The following CLMN variants were observed in gnomAD, a reference collection of about 807,000 sequenced individuals.
CLMN encodes the protein calmin.
In CLMN, 57 loss-of-function variants were observed where a neutral mutation model predicts 92.7. The ratio of observed to expected loss-of-function variants is 0.61; its 90% CI spans 0.50 to 0.77. The LOEUF is 0.77. CLMN is among the 30% of genes least tolerant of loss of function. The pLI is 0.00. For missense variants in CLMN, 1,158 were observed against 1,237.5 expected (o/e 0.94, Z 0.96); for synonymous variants, 466 against 470.6 (o/e 0.99, Z 0.13).
intron 1 of CLMN, among the ~76,000 whole-genome samples, chr14:95,274,425 T>C (rs1040405904): frequency 2.6e-5 from 4 of 152,130 alleles, no homozygotes; most frequent in African/African-American, 9.7e-5. Flanking sequence ...GGCTGTGTCG[T>C]GTGTCAGCTG....
At chr14:95,280,508 TTTGAG>T (rs1177945695) in intron 1 of CLMN, among the ~76,000 whole-genome samples, 3 of 152,224 alleles carry the variant, frequency 2.0e-5, no homozygotes, top group African/African-American at 7.2e-5. Flanking sequence ...GTTTAAAATC[TTTGAG>T]TTATTTGGCT....
chr14:95,254,560 C>T (rs551132013), intron 1 of CLMN, among the ~76,000 whole-genome samples: 10 of 152,268 alleles, frequency 6.6e-5, no homozygotes, highest in South Asian at 6.2e-4. Context: ...TCCCTGCGTG[C>T]GTTATGAGGC....
At chr14:95,226,840 A>G (rs1234257317) in intron 2 of CLMN, among the ~76,000 whole-genome samples, 1 of 152,132 alleles carries the variant, frequency 6.6e-6, no homozygotes, top group East Asian at 1.9e-4. Flanking sequence ...TGGCCTCCCA[A>G]AGGGCTGGGA....
chr14:95,299,637 C>A (rs1299291150), intron 1 of CLMN, among the ~76,000 whole-genome samples: 1 of 152,074 alleles, frequency 6.6e-6, no homozygotes, highest in East Asian at 1.9e-4. Context: ...TGGAAGAGAC[C>A]CTGCTACAAA....
intron 1 of CLMN, among the ~76,000 whole-genome samples, chr14:95,248,256 C>T (rs966259789): frequency 1.3e-5 from 2 of 151,998 alleles, no homozygotes; most frequent in African/African-American, 4.8e-5. Flanking sequence ...AGTTTGAAAA[C>T]ATAACTAAAA....
At chr14:95,193,289 G>A (rs780631843) in intron 12 of CLMN, 4 of 1,444,178 alleles carry the variant, frequency 2.8e-6, no homozygotes, top group African/African-American at 1.4e-5. Context: ...CATTAGGCCA[G>A]GCCAACAGTT....
At chr14:95,208,163 A>C (rs1897096930) in intron 8 of CLMN, among the ~76,000 whole-genome samples, 1 of 152,052 alleles carries the variant, frequency 6.6e-6, no homozygotes, top group African/African-American at 2.4e-5. Flanking sequence ...TGGTACTTAT[A>C]ACTACCCCAA....
intron 1 of CLMN, among the ~76,000 whole-genome samples, chr14:95,268,374 GT>G (rs1899561598): frequency 1.5e-5 from 2 of 133,918 alleles, no homozygotes; most frequent in Non-Finnish European, 3.1e-5. Context: ...ATTATGCTAT[GT>G]AAAAAAAAAA....
intron 1 of CLMN, among the ~76,000 whole-genome samples, chr14:95,292,428 T>G (rs1178167977): frequency 1.1e-4 from 8 of 74,114 alleles, no homozygotes; most frequent in African/African-American, 2.6e-4. Context: ...CCCCCAAGGG[T>G]CCCCCACCCC....
rs1897007496 is a variant in CLMN at position 95,204,982 on chromosome 14, C to A, written c.886-519G>T. ...AATTTTCTTCATATACTAATTAGCC[C>A]ACACAGGGAATTTTGCTGTGTAAGA... On this transcript the variant is annotated intron_variant, in intron 8 of 12. Transcript: ENST00000298912. Among the ~76,000 whole-genome samples the A allele has an allele frequency of 2.6e-5, 4 of 152,268 alleles. No homozygotes were observed. In the South Asian group the frequency reaches 8.3e-4, roughly 32 times the overall value.
At position 95,298,893 on chromosome 14, in the gene CLMN, G is replaced by T. The variant is rs539802624; in HGVS notation, c.82+20818C>A. Among the ~76,000 whole-genome samples the T allele has an allele frequency of 2.6e-5, 4 of 152,272 alleles. No individual in the cohort carries two copies. The East Asian group carries it at 7.7e-4, about 29-fold the overall frequency. On this transcript the variant is annotated intron_variant, in intron 1 of 12. Transcript: ENST00000298912. ...CAGGTTGTCCGATCCAGGTTCTCCC[G>T]ACTCTAAGGCATCTTTGCAAGCAAT... is the stretch of plus-strand genomic sequence containing the variant.
chr14:95,203,772 G>A lies in CLMN; in HGVS notation c.1577C>T (p.Ser526Leu). Residue 526 changes from serine (S) to leucine (L), a missense_variant, in exon 9 of 13, where the codon TCA becomes TTA. Transcript: ENST00000298912. The stretch of plus-strand genomic sequence containing the variant: ...CATCACAGTATTTTCTCCTGGGGGT[G>A]AAAGAGAGTGACTTTCTTCATCGTG... ...ARHDEESHSL[S>L]PPGENTVMAD... is the part of the protein sequence containing the mutation. The A allele has an allele frequency of 1.2e-6, 2 of 1,614,160 alleles. No homozygotes were observed. Among genetic ancestry groups the A allele is most frequent in the African/African-American group, 1.3e-5 (1 of 75,054 alleles).
chr14:95,306,272 G>T (rs1901271694), intron 1 of CLMN, among the ~76,000 whole-genome samples: 1 of 152,170 alleles, frequency 6.6e-6, no homozygotes, highest in African/African-American at 2.4e-5. Context: ...AGCACTTTGG[G>T]AAGCTGAGGT....
At chr14:95,247,556 T>C (rs1464883414) in intron 1 of CLMN, among the ~76,000 whole-genome samples, 1 of 152,160 alleles carries the variant, frequency 6.6e-6, no homozygotes, top group African/African-American at 2.4e-5. Flanking sequence ...CATCCTTTAC[T>C]CTGACCCAGC....
intron 6 of CLMN, among the ~76,000 whole-genome samples, chr14:95,212,965 TG>T (rs1336518429): frequency 6.6e-6 from 1 of 151,928 alleles, no homozygotes; most frequent in African/African-American, 2.4e-5. Context: ...TTGTTTGTAT[TG>T]TTTAGTAGAG....
In CLMN at chr14:95,184,357, A is replaced by C. The variant is rs1182207687; in HGVS notation, c.*7207T>G. 6.6e-6 allele frequency: 1 copy of C among 152,260 alleles called. No individual in the cohort carries two copies. The highest frequency in any genetic ancestry group is 6.5e-5 in the Admixed American group (1 of 15,290). 9.4% of individuals were successfully genotyped at this position (152,260 alleles called of 1,614,324 possible). On this transcript the variant is annotated 3_prime_UTR_variant, in exon 13 of 13. Transcript: ENST00000298912. The stretch of plus-strand genomic sequence containing the variant: ...AAAAAAGGGTTCCTTTAAAGAGAAC[A>C]CTGCTAGATGAAGCTATTCTTGACA...
intron 1 of CLMN, among the ~76,000 whole-genome samples, chr14:95,309,775 A>C (rs1901450352): frequency 6.6e-6 from 1 of 152,330 alleles, no homozygotes; most frequent in Non-Finnish European, 1.5e-5. Context: ...AGCTGTGCAA[A>C]TATCTCCCCA....
chr14:95,310,671 C>T (rs1420935850), intron 1 of CLMN, among the ~76,000 whole-genome samples: 1 of 152,208 alleles, frequency 6.6e-6, no homozygotes, highest in Non-Finnish European at 1.5e-5. Context: ...GCTCAGAGGG[C>T]ATCTGTGAAG....
intron 8 of CLMN, among the ~76,000 whole-genome samples, chr14:95,206,252 A>G (rs561437453): frequency 1.3e-5 from 2 of 152,342 alleles, no homozygotes; most frequent in Non-Finnish European, 2.9e-5. Flanking sequence ...ACAGCATAGC[A>G]TCAACATATA....
Sources: gnomAD v4.1 joint callset for allele counts (sites outside exome capture counted in the v4.1 genomes callset) on GRCh38, gnomAD v4.1.1 for gene constraint, MANE v1.5 for transcripts, NCBI Gene and HGNC (gene_info 2026-07-23, HGNC 2026-07-21) for gene names.